SDCCAG8: variants seen among roughly 807,000 people sequenced by gnomAD.
SDCCAG8 encodes the protein serologically defined colon cancer antigen 8.
Under a neutral mutation model 101.8 loss-of-function variants are expected in SDCCAG8, and 74 were observed. That is an observed-to-expected ratio of 0.73 (90% CI 0.60 to 0.88). The LOEUF is 0.88. Ranked by LOEUF, SDCCAG8 falls within the 40% of genes least tolerant of loss-of-function variation. The pLI is 0.00. For synonymous variants in SDCCAG8, 281 were observed against 292.9 expected, an observed-to-expected ratio of 0.96 and a Z score of 0.41; for missense variants, 787 against 822.6, an observed-to-expected ratio of 0.96 and a Z score of 0.53.
Position 243,286,417 on chromosome 1 carries a change from A to G in SDCCAG8, c.546+20A>G. ...GCATCCGTGAGCATTATTTTAAATC[A>G]TAAATTTTATTTTAGTGTGAATATT... On this transcript the variant is annotated intron_variant, in intron 5 of 17. Transcript: ENST00000366541. The G allele has an allele frequency of 1.2e-6, 2 of 1,613,170 alleles. No individual in the cohort carries two copies. The highest frequency in any genetic ancestry group is 2.7e-5 in the African/African-American group (2 of 75,032).
At chr1:243,492,205 C>T (rs989432487) in intron 17 of SDCCAG8, among the ~76,000 whole-genome samples, 1 of 151,578 alleles carries the variant, frequency 6.6e-6, no homozygotes, top group Admixed American at 6.6e-5. Flanking sequence ...TGCTTTTGGC[C>T]ACGAGAACCC....
intron 10 of SDCCAG8, chr1:243,338,764 A>G (rs2075189250): frequency 6.6e-6 from 1 of 152,336 alleles, no homozygotes; most frequent in Admixed American, 6.5e-5. Context: ...AATTTCTATC[A>G]GCCTCTCCCA....
At chr1:243,285,797 C>T (rs971589884) in intron 4 of SDCCAG8, among the ~76,000 whole-genome samples, 8 of 152,198 alleles carry the variant, frequency 5.3e-5, no homozygotes, top group African/African-American at 1.9e-4. Context: ...TGTTTTACTA[C>T]AATTCTCTCT....
chr1:243,463,040 G>A (rs931323306), intron 16 of SDCCAG8, among the ~76,000 whole-genome samples: 4 of 152,214 alleles, frequency 2.6e-5, no homozygotes, highest in African/African-American at 9.6e-5. Context: ...ATCTGATCCA[G>A]GGCCAATAGG....
At chr1:243,469,344 A>C (rs1055063132) in intron 16 of SDCCAG8, among the ~76,000 whole-genome samples, 1 of 152,204 alleles carries the variant, frequency 6.6e-6, no homozygotes, top group Non-Finnish European at 1.5e-5. Context: ...AGCTACCTAC[A>C]AAAGATATTT....
At chr1:243,318,638 G>T (rs1303896606) in intron 9 of SDCCAG8, 12 of 876,164 alleles carry the variant, frequency 1.4e-5, no homozygotes, top group African/African-American at 1.8e-5. Flanking sequence ...TGAAACTTAG[G>T]TTCAGTTATG....
chr1:243,423,892 C>T (rs187320102), intron 15 of SDCCAG8, among the ~76,000 whole-genome samples: 1 of 151,926 alleles, frequency 6.6e-6, no homozygotes, highest in African/African-American at 2.4e-5. Context: ...AGAAAAGAAA[C>T]CCTTACAAGT....
At chr1:243,309,037 G>T (rs2072450889) in intron 8 of SDCCAG8, among the ~76,000 whole-genome samples, 1 of 152,108 alleles carries the variant, frequency 6.6e-6, no homozygotes, top group Non-Finnish European at 1.5e-5. Flanking sequence ...GGTCATTAAG[G>T]TCAGACCGAT....
Position 243,348,330 on chromosome 1 carries a change from A to G in SDCCAG8, c.1473+3999A>G, listed in dbSNP as rs573602345. ...CTCCCAAAGTGCTGGGATTACAGGC[A>G]TGAGCCACCGCGCCCGGCCTGGGGC... On this transcript the variant is annotated intron_variant, in intron 12 of 17. Transcript: ENST00000366541. Among the ~76,000 whole-genome samples the G allele has an allele frequency of 7.3e-5, 11 of 151,094 alleles. No homozygotes were observed. The South Asian group carries it at 8.4e-4, about 11-fold the overall frequency.
intron 16 of SDCCAG8, among the ~76,000 whole-genome samples, chr1:243,482,568 G>A (rs1243806904): frequency 6.6e-6 from 1 of 152,218 alleles, no homozygotes; most frequent in African/African-American, 2.4e-5. Flanking sequence ...TTGTTCATCT[G>A]CAGATCCTGA....
chr1:243,300,659 T>C (rs1185071725), intron 6 of SDCCAG8, among the ~76,000 whole-genome samples: 1 of 152,204 alleles, frequency 6.6e-6, no homozygotes, highest in Admixed American at 6.5e-5. Flanking sequence ...TTTCCAAACA[T>C]GGTTTGGACA....
chr1:243,285,734 T>C (rs1177137758), intron 4 of SDCCAG8, among the ~76,000 whole-genome samples: 3 of 152,226 alleles, frequency 2.0e-5, no homozygotes, highest in Non-Finnish European at 4.4e-5. Flanking sequence ...TGTAATTCTT[T>C]ATATTACACC....
At chr1:243,363,422 C>T (rs954553362) in intron 12 of SDCCAG8, among the ~76,000 whole-genome samples, 3 of 152,106 alleles carry the variant, frequency 2.0e-5, no homozygotes, top group East Asian at 1.9e-4. Context: ...ATCAAAGTGC[C>T]GTTGTAAATA....
At chr1:243,463,347 G>A (rs1263760585) in intron 16 of SDCCAG8, among the ~76,000 whole-genome samples, 1 of 152,252 alleles carries the variant, frequency 6.6e-6, no homozygotes, top group South Asian at 2.1e-4. Flanking sequence ...GGAGAATAAG[G>A]CCCTTTCTCT....
chr1:243,445,564 A>G (rs562865642), intron 16 of SDCCAG8, among the ~76,000 whole-genome samples: 1 of 152,330 alleles, frequency 6.6e-6, no homozygotes, highest in East Asian at 1.9e-4. Flanking sequence ...AATACATGAC[A>G]GGTGATGGAT....
At chr1:243,404,862 C>CTT (rs529062563) in intron 13 of SDCCAG8, among the ~76,000 whole-genome samples, 80 of 137,698 alleles carry the variant, frequency 5.8e-4, no homozygotes, top group African/African-American at 1.4e-3. Context: ...TAGACTTCTT[C>CTT]TTTTTTTTTT....
At chr1:243,335,015 G>A (rs781126653) in intron 10 of SDCCAG8, among the ~76,000 whole-genome samples, 7 of 152,110 alleles carry the variant, frequency 4.6e-5, no homozygotes, top group African/African-American at 9.7e-5. Context: ...CTAGTTCAGT[G>A]AGTCCCTTGC....
At chr1:243,277,278 C>T (rs1292491731) in intron 4 of SDCCAG8, among the ~76,000 whole-genome samples, 1 of 152,168 alleles carries the variant, frequency 6.6e-6, no homozygotes, top group East Asian at 1.9e-4. Flanking sequence ...ATGAGAGTTC[C>T]TAATACTCCA....
rs187024888 is a variant in SDCCAG8 at position 243,497,146 on chromosome 1, G to T, written c.2113-2610G>T. ...ACAGGACTTCCTGGAAATAAGCATC[G>T]TGGATATCCCTAATGGCAGACAAGC... On this transcript the variant is annotated intron_variant, in intron 17 of 17. Coordinates refer to ENST00000366541, the MANE Select transcript of SDCCAG8 (RefSeq NM_006642.5). Among the ~76,000 whole-genome samples, 3 of 152,142 alleles carry T rather than the reference G, an allele frequency of 2.0e-5. No individual in the cohort carries two copies. In the South Asian group the frequency reaches 6.2e-4, roughly 32 times the overall value.
Sources: gnomAD v4.1 joint callset for allele counts (sites outside exome capture counted in the v4.1 genomes callset) on GRCh38, gnomAD v4.1.1 for gene constraint, MANE v1.5 for transcripts, NCBI Gene and HGNC (gene_info 2026-07-23, HGNC 2026-07-21) for gene names.